The following DNAH7 variants were observed in gnomAD, a reference collection of about 807,000 sequenced individuals.
DNAH7 encodes dynein axonemal heavy chain 7, also known as axonemal beta dynein heavy chain 7.
DNAH7 carries 397 observed loss-of-function variants against 444.6 expected under a neutral mutation model. The ratio of observed to expected loss-of-function variants is 0.89; its 90% CI spans 0.82 to 0.97. The LOEUF (loss-of-function observed/expected upper bound fraction) is 0.97, where lower values mean the gene tolerates loss of function less well. Among genes scored for constraint, DNAH7 ranks in the 50% least tolerant of loss-of-function variants. The pLI is 0.00. For synonymous variants in DNAH7, 1,636 were observed against 1,624.4 expected, an observed-to-expected ratio of 1.01 and a Z score of -0.17; for missense variants, 4,902 against 4,800.8, an observed-to-expected ratio of 1.02 and a Z score of -0.62.
chr2:195,776,172 G>A (rs938084569), intron 59 of DNAH7, among the ~76,000 whole-genome samples, 189 bp from the exon 60 acceptor site: 3 of 152,250 alleles, frequency 2.0e-5, no homozygotes, highest in African/African-American at 2.4e-5. Context: ...AGCTAGGCGC[G>A]GTGGCTCACG....
intron 10 of DNAH7, among the ~76,000 whole-genome samples, chr2:196,011,780 G>A (rs1015494999): frequency 1.1e-4 from 17 of 152,036 alleles, no homozygotes; most frequent in African/African-American, 4.1e-4. Context: ...ATTCAATAAA[G>A]GTTTGTACTC....
chr2:195,951,457 TGCTTGGTCCACA>T (rs1690252789), intron 19 of DNAH7, among the ~76,000 whole-genome samples: 1 of 152,198 alleles, frequency 6.6e-6, no homozygotes, highest in African/African-American at 2.4e-5. Flanking sequence ...CTACTAGCCC[TGCTTGGTCCACA>T]GCTGGGTTGA....
chr2:195,823,943 A>G (rs1008115205), intron 49 of DNAH7, among the ~76,000 whole-genome samples: 2 of 152,246 alleles, frequency 1.3e-5, no homozygotes, highest in Non-Finnish European at 2.9e-5. Context: ...TAATTAGCAT[A>G]TAATCATTTA....
intron 25 of DNAH7, among the ~76,000 whole-genome samples, chr2:195,907,802 G>A (rs553398906): frequency 1.1e-4 from 17 of 151,812 alleles, no homozygotes; most frequent in Non-Finnish European, 2.1e-4. Flanking sequence ...TCATTCTTCC[G>A]AACCACACTG....
At chr2:195,840,491 C>T (rs1164082744) in intron 47 of DNAH7, among the ~76,000 whole-genome samples, 1 of 151,538 alleles carries the variant, frequency 6.6e-6, no homozygotes, top group African/African-American at 2.4e-5. Context: ...ATACTAGAAG[C>T]CCTTGTCAGT....
At chr2:196,006,134 T>C (rs1239507154) in intron 10 of DNAH7, among the ~76,000 whole-genome samples, 1 of 152,098 alleles carries the variant, frequency 6.6e-6, no homozygotes, top group Non-Finnish European at 1.5e-5. Context: ...GGCAACACAG[T>C]GAGACCTTGT....
intron 31 of DNAH7, among the ~76,000 whole-genome samples, chr2:195,889,860 T>C (rs1701915356): frequency 1.3e-5 from 2 of 152,202 alleles, no homozygotes; most frequent in South Asian, 4.2e-4. Context: ...CCTGATGGTA[T>C]AGAAAATTAC....
intron 42 of DNAH7, among the ~76,000 whole-genome samples, chr2:195,859,263 G>A (rs1227027780): frequency 6.6e-6 from 1 of 152,008 alleles, no homozygotes; most frequent in Non-Finnish European, 1.5e-5. Context: ...ATTTTAACAT[G>A]TATTATACAT....
chr2:195,769,507 T>C (rs954594298), intron 61 of DNAH7, among the ~76,000 whole-genome samples: 1 of 152,110 alleles, frequency 6.6e-6, no homozygotes, highest in African/African-American at 2.4e-5. Flanking sequence ...AACCCTGCCA[T>C]TGGGCAGATT....
At chr2:195,837,146 CT>C (rs1225421063) in intron 47 of DNAH7, among the ~76,000 whole-genome samples, 1 of 152,092 alleles carries the variant, frequency 6.6e-6, no homozygotes, top group African/African-American at 2.4e-5. Flanking sequence ...ATTCTTTATT[CT>C]TTTTTTCCTA....
intron 40 of DNAH7, among the ~76,000 whole-genome samples, chr2:195,871,020 G>T (rs1259945877): frequency 6.6e-6 from 1 of 152,106 alleles, no homozygotes; most frequent in Non-Finnish European, 1.5e-5. Flanking sequence ...TGGGAAGTGG[G>T]TCCCATTCAG....
chr2:195,786,195 A>C (rs2105971960), intron 58 of DNAH7, among the ~76,000 whole-genome samples: 1 of 152,286 alleles, frequency 6.6e-6, no homozygotes, highest in Non-Finnish European at 1.5e-5. Context: ...CCTGTTTGTA[A>C]GCCTCTTTAA....
chr2:195,967,916 C>T (rs1187934800), intron 17 of DNAH7, among the ~76,000 whole-genome samples: 1 of 151,906 alleles, frequency 6.6e-6, no homozygotes, highest in Non-Finnish European at 1.5e-5. Flanking sequence ...TAAGCTTGAA[C>T]CCAAACCACA....
At chr2:196,032,612 C>T (rs1291194666) in intron 5 of DNAH7, among the ~76,000 whole-genome samples, 1 of 152,204 alleles carries the variant, frequency 6.6e-6, no homozygotes, top group Non-Finnish European at 1.5e-5. Flanking sequence ...GTATCAAGTA[C>T]ACTAATTGAA....
intron 27 of DNAH7, 83 bp downstream of exon 27, chr2:195,906,576 T>C (rs1687037799): frequency 7.2e-7 from 1 of 1,383,340 alleles, no homozygotes; most frequent in African/African-American, 1.5e-5. Context: ...TTATAGGCGT[T>C]AGCCACCACG....
chr2:195,868,255 C>T (rs1055556448), intron 40 of DNAH7, among the ~76,000 whole-genome samples: 4 of 151,788 alleles, frequency 2.6e-5, no homozygotes, highest in Admixed American at 6.6e-5. Flanking sequence ...CGCCACCACA[C>T]CCGGCTAATT....
chr2:195,883,170 G>A (rs546010503), intron 35 of DNAH7, among the ~76,000 whole-genome samples: 16 of 152,200 alleles, frequency 1.1e-4, no homozygotes, highest in African/African-American at 3.6e-4. Context: ...AAACCTGGCC[G>A]GGCACGGTGG....
intron 1 of DNAH7, among the ~76,000 whole-genome samples, chr2:196,060,713 G>C (rs1464242479): frequency 2.6e-5 from 4 of 152,086 alleles, no homozygotes; most frequent in East Asian, 1.9e-4. Flanking sequence ...TCTCCAGTGA[G>C]GTATTTATTC....
At chr2:195,966,885 G>GT (rs998754717) in intron 17 of DNAH7, among the ~76,000 whole-genome samples, 21 of 151,888 alleles carry the variant, frequency 1.4e-4, no homozygotes, top group East Asian at 1.2e-3. Flanking sequence ...GGGTCTTGCT[G>GT]TTTTTTTTAA....
Sources: gnomAD v4.1 joint callset for allele counts (sites outside exome capture counted in the v4.1 genomes callset) on GRCh38, gnomAD v4.1.1 for gene constraint, MANE v1.5 for transcripts, NCBI Gene and HGNC (gene_info 2026-07-23, HGNC 2026-07-21) for gene names.